The following PRCP variants were observed in gnomAD, a reference collection of about 807,000 sequenced individuals.
PRCP encodes the protein lysosomal Pro-X carboxypeptidase.
A neutral mutation model predicts 54.2 loss-of-function variants in PRCP; 46 were observed. The ratio of observed to expected loss-of-function variants is 0.85; its 90% confidence interval spans 0.67 to 1.09. The LOEUF (loss-of-function observed/expected upper bound fraction) is 1.09. Among genes scored for constraint, PRCP ranks in the 50% least tolerant of loss-of-function variants. PRCP has a pLI of 0.00. For synonymous variants in PRCP, 240 were observed against 212.2 expected, an observed-to-expected ratio of 1.13 and a Z score of -1.14; for missense variants, 613 against 596.8, an observed-to-expected ratio of 1.03 and a Z score of -0.28.
At chr11:82,882,762 T>C (rs1473837732) in intron 1 of PRCP, among the ~76,000 whole-genome samples, 1 of 147,860 alleles carries the variant, frequency 6.8e-6, no homozygotes, top group African/African-American at 2.7e-5. Context: ...CCCAAAGTGC[T>C]GGGATTACAG....
At chr11:82,828,409 C>T (rs916918277) in intron 8 of PRCP, 1 of 152,134 alleles carries the variant, frequency 6.6e-6, no homozygotes, top group African/African-American at 2.4e-5. Flanking sequence ...GAAACAGATT[C>T]CTTAGGAAAA....
chr11:82,834,771 G>A (rs1040559206), intron 8 of PRCP, among the ~76,000 whole-genome samples: 1 of 152,182 alleles, frequency 6.6e-6, no homozygotes, highest in Admixed American at 6.5e-5. Flanking sequence ...GGGGGAAAGA[G>A]AGCATTAAGA....
At chr11:82,875,986 G>T (rs568245671) in intron 1 of PRCP, among the ~76,000 whole-genome samples, 1 of 151,958 alleles carries the variant, frequency 6.6e-6, no homozygotes, top group East Asian at 1.9e-4. Context: ...TTCCTCTCTC[G>T]CATCATTACA....
intron 1 of PRCP, among the ~76,000 whole-genome samples, chr11:82,866,689 T>C (rs111642063): frequency 0.013 from 2,019 of 152,254 alleles, 39 homozygotes; most frequent in African/African-American, 0.045. Flanking sequence ...CACAGTGCCC[T>C]TGTACATGGC....
In PRCP at chr11:82,838,610, A is replaced by C. The variant is rs749386993; in HGVS notation, c.1087-36T>G. ...AACCAAGAGAGAATCCAATTAGAAA[A>C]ATGAGGCAAAAAGAGGTTAAATAAA... On this transcript the variant is annotated intron_variant, in intron 7 of 8. Coordinates refer to ENST00000313010, the MANE Select transcript of PRCP (RefSeq NM_005040.4). 8.2e-6 allele frequency: 13 copies of C among 1,577,828 alleles called. No individual in the cohort carries two copies. The East Asian group carries it at 2.7e-4, about 33-fold the overall frequency.
intron 8 of PRCP, chr11:82,836,779 C>T (rs1591038861): frequency 4.2e-6 from 1 of 239,580 alleles, no homozygotes. Flanking sequence ...AACTCCTGGG[C>T]TCAAGCAAGC....
rs11233341 is a variant in PRCP, at chr11:82,843,938, G to A, written c.922-4513C>T. Among the ~76,000 whole-genome samples the A allele has an allele frequency of 7.7e-3, 1,143 of 149,108 alleles. 13 individuals carry two copies. Among genetic ancestry groups the A allele is most frequent in the African/African-American group, 0.025 (1,028 of 40,554 alleles). On this transcript the variant is annotated intron_variant, in intron 6 of 8. Transcript: ENST00000313010. The stretch of plus-strand genomic sequence containing the variant: ...GGTTTTCATGCTCACGTGTGAAATG[G>A]ACCACCCTCAAACCTGGTTATGCTA...
chr11:82,881,089 T>C (rs912423089), intron 1 of PRCP, among the ~76,000 whole-genome samples: 5 of 152,194 alleles, frequency 3.3e-5, no homozygotes, highest in Admixed American at 1.3e-4. Context: ...CATTCTTCTT[T>C]TTAAGGCCTT....
At chr11:82,880,207 C>A (rs903689752) in intron 1 of PRCP, among the ~76,000 whole-genome samples, 1 of 152,224 alleles carries the variant, frequency 6.6e-6, no homozygotes, top group Admixed American at 6.5e-5. Context: ...AGCTTCCCGG[C>A]CACTTTGTTT....
chr11:82,843,006 T>A (rs1858712398), intron 6 of PRCP, among the ~76,000 whole-genome samples: 1 of 152,216 alleles, frequency 6.6e-6, no homozygotes, highest in African/African-American at 2.4e-5. Flanking sequence ...CCTATGCTTA[T>A]TTAAAGACTA....
chr11:82,865,076 C>T (rs992704204), intron 1 of PRCP, among the ~76,000 whole-genome samples: 7 of 152,128 alleles, frequency 4.6e-5, no homozygotes, highest in Non-Finnish European at 1.0e-4. Context: ...CGGCAGTTAC[C>T]CTCTGGGGCC....
chr11:82,884,828 G>A (rs775990447), intron 1 of PRCP: 2 of 1,613,156 alleles, frequency 1.2e-6, no homozygotes, highest in Non-Finnish European at 1.7e-6. Flanking sequence ...CCTACCAGAG[G>A]AGTCTTGTAA....
intron 2 of PRCP, among the ~76,000 whole-genome samples, chr11:82,857,034 C>CAAAAAAA (rs11388763): frequency 8.4e-6 from 1 of 119,034 alleles, no homozygotes. Context: ...GCCTCTGTCT[C>CAAAAAAA]AAAAAAAAAA....
chr11:82,884,713 G>T, intron 1 of PRCP: 2 of 1,470,484 alleles, frequency 1.4e-6, no homozygotes, highest in Non-Finnish European at 1.9e-6. Flanking sequence ...AAGAGAATTT[G>T]CAGACAGACC....
intron 1 of PRCP, among the ~76,000 whole-genome samples, chr11:82,873,309 C>T (rs916315449): frequency 1.3e-5 from 2 of 152,154 alleles, no homozygotes; most frequent in African/African-American, 4.8e-5. Flanking sequence ...CAACAATCAA[C>T]AAAAGGAAGT....
At chr11:82,865,953 G>A (rs1321985521) in intron 1 of PRCP, among the ~76,000 whole-genome samples, 1 of 152,172 alleles carries the variant, frequency 6.6e-6, no homozygotes. Context: ...AGTTGGAGAA[G>A]GATGGATGTC....
At chr11:82,885,976 G>A (rs1302738686) in intron 1 of PRCP, among the ~76,000 whole-genome samples, 2 of 152,052 alleles carry the variant, frequency 1.3e-5, no homozygotes, top group East Asian at 3.9e-4. Context: ...ATAGTCAATG[G>A]AGGTCTCTTA....
intron 1 of PRCP, among the ~76,000 whole-genome samples, chr11:82,879,734 T>C (rs1859701041): frequency 6.6e-6 from 1 of 152,236 alleles, no homozygotes; most frequent in South Asian, 2.1e-4. Context: ...GTCCTTTCTG[T>C]TTGTTAGTTT....
chr11:82,869,699 C>A (rs1242078902), intron 1 of PRCP, among the ~76,000 whole-genome samples: 1 of 152,164 alleles, frequency 6.6e-6, no homozygotes, highest in Non-Finnish European at 1.5e-5. Context: ...TGCATGCATG[C>A]ATCATGGCTC....
Sources: gnomAD v4.1 joint callset for allele counts (sites outside exome capture counted in the v4.1 genomes callset) on GRCh38, gnomAD v4.1.1 for gene constraint, MANE v1.5 for transcripts, NCBI Gene and HGNC (gene_info 2026-07-23, HGNC 2026-07-21) for gene names.